The following SLC41A2 variants were observed in gnomAD, a reference collection of about 807,000 sequenced individuals.
SLC41A2 encodes the protein solute carrier family 41 member 2, also known as SLC41A1-like 1.
Under a neutral mutation model 58.3 loss-of-function variants are expected in SLC41A2, and 32 were observed. The ratio of observed to expected loss-of-function variants is 0.55; its 90% CI spans 0.41 to 0.74. The LOEUF (loss-of-function observed/expected upper bound fraction) is 0.74. Ranked by LOEUF, SLC41A2 falls within the 30% of genes least tolerant of loss-of-function variation. SLC41A2 has a pLI of 0.00. For missense variants in SLC41A2, 514 were observed against 680.6 expected, an observed-to-expected ratio of 0.76 and a Z score of 2.72; for synonymous variants, 190 against 235.0, an observed-to-expected ratio of 0.81 and a Z score of 1.75.
intron 3 of SLC41A2, among the ~76,000 whole-genome samples, chr12:104,897,815 C>T (rs945283429): frequency 3.3e-5 from 5 of 152,102 alleles, no homozygotes; most frequent in African/African-American, 1.2e-4. Context: ...TGGCAGGACA[C>T]AGAAAATTGA....
chr12:104,930,941 A>C (rs1381743146), intron 1 of SLC41A2, among the ~76,000 whole-genome samples: 1 of 152,234 alleles, frequency 6.6e-6, no homozygotes, highest in East Asian at 1.9e-4. Context: ...TTTTGCTCCT[A>C]GTATTCTTAC....
chr12:104,929,392 C>T (rs924525535), intron 1 of SLC41A2, among the ~76,000 whole-genome samples: 6 of 152,140 alleles, frequency 3.9e-5, no homozygotes, highest in Non-Finnish European at 7.4e-5. Flanking sequence ...TCACTTAAAC[C>T]TCCATTTGCA....
intron 10 of SLC41A2, among the ~76,000 whole-genome samples, chr12:104,825,665 G>GATACA (rs1462592861): frequency 6.6e-6 from 1 of 152,162 alleles, no homozygotes; most frequent in African/African-American, 2.4e-5. Context: ...ACTCTAAACA[G>GATACA]ATACAAACAG....
chr12:104,881,939 T>C (rs1353469479), intron 6 of SLC41A2, among the ~76,000 whole-genome samples: 18 of 152,280 alleles, frequency 1.2e-4, no homozygotes, highest in East Asian at 7.7e-4. Context: ...ACTATTATTG[T>C]GTGGGAGTCT....
At position 104,803,239 on chromosome 12, in the gene SLC41A2, CAA is replaced by C. The variant is rs1472021197; in HGVS notation, c.*1911_*1912del. 1 of 151,792 alleles carries C rather than the reference CAA, an allele frequency of 6.6e-6. No homozygotes were observed. Among genetic ancestry groups the C allele is most frequent in the African/African-American group, 2.4e-5 (1 of 41,342 alleles). 9.4% of individuals were successfully genotyped at this position (151,792 alleles called of 1,614,324 possible). On this transcript the variant is annotated 3_prime_UTR_variant, in exon 11 of 11. Coordinates refer to ENST00000258538, the MANE Select transcript of SLC41A2 (RefSeq NM_001352171.3). The stretch of plus-strand genomic sequence containing the variant: ...ATTTACAAATGCTTTATAATAAAAT[CAA>C]AGATATTCATGGATTTTTTTAAGTA...
rs2041029160 is a variant in SLC41A2 at position 104,808,569 on chromosome 12, A to G, written c.1537-3232T>C. Among the ~76,000 whole-genome samples, 3 of 152,308 alleles carry G rather than the reference A, an allele frequency of 2.0e-5. No individual in the cohort carries two copies. The South Asian group carries it at 6.2e-4, about 32-fold the overall frequency. Reference sequence around the variant, plus strand: ...TCTGCCCAGCTTTGGTATCAGGATGATGCTGGCCTCATAAAATGAGTTAGG... The same window carrying G: ...TCTGCCCAGCTTTGGTATCAGGATGGTGCTGGCCTCATAAAATGAGTTAGG... On this transcript the variant is annotated intron_variant, in intron 10 of 10. Transcript: ENST00000258538.
chr12:104,920,200 T>C (rs527580629), intron 2 of SLC41A2, among the ~76,000 whole-genome samples: 1 of 152,356 alleles, frequency 6.6e-6, no homozygotes, highest in East Asian at 1.9e-4. Context: ...TCTAATATCA[T>C]GCAGTCTGGA....
intron 8 of SLC41A2, among the ~76,000 whole-genome samples, chr12:104,847,603 C>CAAAA (rs61636915): frequency 1.2e-5 from 1 of 86,374 alleles, no homozygotes; most frequent in African/African-American, 4.7e-5. Flanking sequence ...GACTCTGTCT[C>CAAAA]AAAAAAAAAA....
chr12:104,940,964 C>T (rs1302921216), intron 1 of SLC41A2, among the ~76,000 whole-genome samples: 3 of 151,016 alleles, frequency 2.0e-5, no homozygotes, highest in Admixed American at 6.6e-5. Context: ...AAGTTAGCTC[C>T]GAAGAAAAAT....
chr12:104,877,887 T>C (rs1456791998), intron 6 of SLC41A2, among the ~76,000 whole-genome samples: 16 of 151,914 alleles, frequency 1.1e-4, no homozygotes. Flanking sequence ...GTAGTAGCTG[T>C]AGTCCCAGCT....
At chr12:104,942,240 A>G (rs1380736554) in intron 1 of SLC41A2, among the ~76,000 whole-genome samples, 3 of 152,142 alleles carry the variant, frequency 2.0e-5, no homozygotes, top group African/African-American at 7.2e-5. Flanking sequence ...GAACTTTGGG[A>G]GGCCGAGGCA....
At chr12:104,871,961 AGAG>A (rs1205104271) in intron 6 of SLC41A2, among the ~76,000 whole-genome samples, 1 of 152,228 alleles carries the variant, frequency 6.6e-6, no homozygotes, top group African/African-American at 2.4e-5. Flanking sequence ...ATAGGAATTC[AGAG>A]GAGAAAAAAG....
At chr12:104,884,550 C>T (rs2044561365) in intron 6 of SLC41A2, among the ~76,000 whole-genome samples, 1 of 152,216 alleles carries the variant, frequency 6.6e-6, no homozygotes, top group Non-Finnish European at 1.5e-5. Flanking sequence ...CTACCCCCAC[C>T]CTCTATGTTC....
At chr12:104,808,811 A>G (rs955716976) in intron 10 of SLC41A2, among the ~76,000 whole-genome samples, 6 of 152,098 alleles carry the variant, frequency 3.9e-5, no homozygotes, top group African/African-American at 9.7e-5. Flanking sequence ...TGTATGTGTC[A>G]AGGAATTTAT....
intron 10 of SLC41A2, among the ~76,000 whole-genome samples, chr12:104,829,975 G>T (rs115426129): frequency 0.014 from 2,123 of 152,278 alleles, 48 homozygotes; most frequent in African/African-American, 0.047. Flanking sequence ...TTGCGACAAA[G>T]ACTATATGGC....
chr12:104,805,012 G>T lies in SLC41A2; in HGVS notation c.*140C>A. On this transcript the variant is annotated 3_prime_UTR_variant, in exon 11 of 11. Transcript: ENST00000258538. ...CACAAATTCCTTAAAAAAAAATTAA[G>T]GCCATTTAATTGAATCAGGGCCAAC... is the stretch of plus-strand genomic sequence containing the variant. The T allele has an allele frequency of 1.6e-6, 1 of 632,534 alleles. No homozygotes were observed. The highest frequency in any genetic ancestry group is 2.6e-6 in the Non-Finnish European group (1 of 386,436). The allele number at this position is 632,534 out of a possible 1,614,324, so 39.2% of individuals were successfully genotyped here.
At chr12:104,830,303 T>C (rs1234426346) in intron 10 of SLC41A2, among the ~76,000 whole-genome samples, 2 of 152,234 alleles carry the variant, frequency 1.3e-5, no homozygotes, top group Non-Finnish European at 2.9e-5. Flanking sequence ...AAGTCCCTTA[T>C]ATAAAATGGC....
intron 10 of SLC41A2, among the ~76,000 whole-genome samples, chr12:104,812,440 GA>G (rs2041215520): frequency 6.6e-6 from 1 of 152,122 alleles, no homozygotes; most frequent in African/African-American, 2.4e-5. Flanking sequence ...GGGAGACAAG[GA>G]GTAACATCTT....
At chr12:104,859,396 G>A (rs2043127029) in intron 8 of SLC41A2, among the ~76,000 whole-genome samples, 1 of 152,182 alleles carries the variant, frequency 6.6e-6, no homozygotes, top group Non-Finnish European at 1.5e-5. Context: ...TTACTTGAAT[G>A]ATGGCTATAT....
Sources: allele counts gnomAD v4.1 joint callset (sites outside exome capture counted in the v4.1 genomes callset), GRCh38; gene constraint gnomAD v4.1.1; transcripts MANE v1.5; gene names NCBI Gene and HGNC (gene_info 2026-07-23, HGNC 2026-07-21).